The following COL23A1 variants were observed in gnomAD, a reference collection of about 807,000 sequenced individuals.
COL23A1 encodes the protein collagen type XXIII alpha 1 chain.
COL23A1 carries 97 observed loss-of-function variants against 99.3 expected under a neutral mutation model. The ratio of observed to expected loss-of-function variants is 0.98; its 90% CI spans 0.83 to 1.16. The LOEUF (loss-of-function observed/expected upper bound fraction) is 1.16. Among genes scored for constraint, COL23A1 ranks in the 50% most tolerant of loss-of-function variants. COL23A1 has a pLI of 0.00. For missense variants in COL23A1, 762 were observed against 757.4 expected, an observed-to-expected ratio of 1.01 and a Z score of -0.07; for synonymous variants, 320 against 308.2, an observed-to-expected ratio of 1.04 and a Z score of -0.40.
intron 25 of COL23A1, among the ~76,000 whole-genome samples, chr5:178,244,987 TCATC>T (rs149908189): frequency 0.11 from 15,192 of 134,496 alleles, 1,753 homozygotes; most frequent in East Asian, 0.36. Context: ...TCATCATCTA[TCATC>T]CATCCATCCA....
intron 2 of COL23A1, among the ~76,000 whole-genome samples, chr5:178,326,414 T>TAAAA (rs34380897): frequency 0.016 from 2,309 of 148,500 alleles, 61 homozygotes; most frequent in African/African-American, 0.054. Context: ...AGAGAACATT[T>TAAAA]AAAAAAAAAA....
intron 2 of COL23A1, among the ~76,000 whole-genome samples, chr5:178,423,225 T>C (rs999892021): frequency 7.9e-5 from 12 of 152,146 alleles, no homozygotes; most frequent in African/African-American, 2.9e-4. Flanking sequence ...CCTCAAGTGA[T>C]CCTCCAGTCT....
chr5:178,291,171 C>A (rs890810), intron 3 of COL23A1, among the ~76,000 whole-genome samples: 3,494 of 152,276 alleles, frequency 0.023, 120 homozygotes, highest in African/African-American at 0.08. Context: ...GTGCACTAAG[C>A]CACGCGGCTG....
At chr5:178,400,318 G>A (rs1028281633) in intron 2 of COL23A1, among the ~76,000 whole-genome samples, 2 of 129,692 alleles carry the variant, frequency 1.5e-5, no homozygotes, top group Non-Finnish European at 3.1e-5. Flanking sequence ...AGTGAGCCGA[G>A]ATCGCGCCAC....
intron 2 of COL23A1, among the ~76,000 whole-genome samples, chr5:178,441,568 T>TG (rs893601857): frequency 6.6e-6 from 1 of 151,770 alleles, no homozygotes; most frequent in Non-Finnish European, 1.5e-5. Flanking sequence ...AAGACAGAGA[T>TG]GGGGGGATGC....
rs184672478 is a variant in COL23A1, at chr5:178,263,208, C to T, written c.639G>A (p.Ala213=). ...KDGPRGAQGP[A]GPKGEPGQDG... is the part of the protein sequence containing the mutation. ...GGCCCAACTCCATGCCCTCTCTTAC[C>T]GCTGGGCCTTGTGCTCCCCTGGGGC... The change falls in exon 9 of 29, where the codon GCG becomes GCA. Residue 213 remains alanine (A), a splice_region_variant and synonymous_variant. Transcript: ENST00000390654. The T allele has an allele frequency of 1.3e-5, 21 of 1,610,886 alleles. No homozygotes were observed. Among genetic ancestry groups the T allele is most frequent in the East Asian group, 2.2e-5 (1 of 44,842 alleles).
At chr5:178,393,016 A>G (rs1764046948) in intron 2 of COL23A1, among the ~76,000 whole-genome samples, 1 of 152,222 alleles carries the variant, frequency 6.6e-6, no homozygotes, top group African/African-American at 2.4e-5. Context: ...AGAGAGACTC[A>G]GGCAGGACAA....
intron 2 of COL23A1, among the ~76,000 whole-genome samples, chr5:178,486,598 T>C (rs1207089707): frequency 1.3e-5 from 2 of 151,692 alleles, no homozygotes; most frequent in South Asian, 4.2e-4. Flanking sequence ...GAAGAGACAG[T>C]TGGGTGGTTT....
At chr5:178,259,807 C>A (rs566462462) in intron 11 of COL23A1, 60 bp from the exon 12 acceptor site, 3 of 1,502,488 alleles carry the variant, frequency 2.0e-6, no homozygotes, top group East Asian at 4.7e-5. Context: ...GTGGCCCGGA[C>A]CCCGGACCTC....
In COL23A1 at chr5:178,246,430, C is replaced by G. The variant is rs1764700680; in HGVS notation, c.1320G>C (p.Glu440Asp). ...GPKGLDGAKG[E>D]KGASGERGPS... is the part of the protein sequence containing the mutation. ...GGCCTCTCTCACCCGACGCACCCTT[C>G]TCTCCCTTTGCTCCATCCAAGCCCT... Residue 440 changes from glutamate to aspartate, a missense_variant, in exon 23 of 29, where the codon GAG (glutamate) becomes GAC (aspartate). Physicochemically the swap from Glu to Asp is conservative, Grantham distance 45. Transcript: ENST00000390654. 6.3e-7 allele frequency: 1 copy of G among 1,576,076 alleles called. No homozygotes were observed. The highest frequency in any genetic ancestry group is 1.3e-5 in the African/African-American group (1 of 74,324).
intron 1 of COL23A1, among the ~76,000 whole-genome samples, chr5:178,585,534 A>AACACTCCACAGCCCTGGTTGATGCTGGGG (rs1763918560): frequency 8.4e-5 from 1 of 11,890 alleles, no homozygotes; most frequent in African/African-American, 2.1e-4. Context: ...ATGACGCTGG[A>AACACTCCACAGCCCTGGTTGATGCTGGGG]GTAACACTCC....
intron 2 of COL23A1, among the ~76,000 whole-genome samples, chr5:178,355,281 T>C (rs2127686033): frequency 7.1e-6 from 1 of 139,958 alleles, no homozygotes; most frequent in South Asian, 2.3e-4. Context: ...TCAAATAAAA[T>C]AAGATAAATA....
intron 2 of COL23A1, among the ~76,000 whole-genome samples, chr5:178,479,940 G>T (rs1163399510): frequency 6.6e-6 from 1 of 152,154 alleles, no homozygotes; most frequent in Non-Finnish European, 1.5e-5. Context: ...GTGTGGCACA[G>T]CCCACTGCTC....
chr5:178,517,893 TTTTTTTTTTAATTTA>T (rs1759638357), intron 2 of COL23A1, among the ~76,000 whole-genome samples: 1 of 100,338 alleles, frequency 1.0e-5, no homozygotes, highest in Non-Finnish European at 2.4e-5. Context: ...TTTTTTTTTT[TTTTTTTTTTAATTTA>T]TTTTTTTATT....
chr5:178,249,949 CATG>C lies in COL23A1; in HGVS notation c.1059+109_1059+111del, dbSNP rs1432047612. 3.6e-6 allele frequency: 5 copies of C among 1,373,844 alleles called. No individual in the cohort carries two copies. The East Asian group carries it at 1.2e-4, about 32-fold the overall frequency. The allele number at this position is 1,373,844 out of a possible 1,614,324, so 85.1% of individuals were successfully genotyped here. A position where few individuals can be genotyped will look rare whatever the true frequency, so the allele number is the denominator to read the frequency against. The stretch of plus-strand genomic sequence containing the variant: ...ATCCATGATTTTTGATTTTCTCACA[CATG>C]GTGTTTCTCTAACTCTGTGCACACA... On this transcript the variant is annotated intron_variant, in intron 18 of 28. Coordinates refer to ENST00000390654, the MANE Select transcript of COL23A1 (RefSeq NM_173465.4).
intron 2 of COL23A1, among the ~76,000 whole-genome samples, chr5:178,446,410 T>C (rs927883402): frequency 3.0e-4 from 45 of 151,996 alleles, no homozygotes; most frequent in Non-Finnish European, 5.7e-4. Context: ...AAAATTCAGA[T>C]AGGATACAGC....
At chr5:178,354,028 C>CA (rs1486929440) in intron 2 of COL23A1, among the ~76,000 whole-genome samples, 1 of 151,756 alleles carries the variant, frequency 6.6e-6, no homozygotes, top group Non-Finnish European at 1.5e-5. Flanking sequence ...GAGCCTAAAA[C>CA]ACCCTGCCCG....
chr5:178,449,804 G>A lies in COL23A1; in HGVS notation c.361+110878C>T, dbSNP rs370591643. Among the ~76,000 whole-genome samples the A allele has an allele frequency of 5.3e-5, 8 of 152,050 alleles. No homozygotes were observed. In the East Asian group the frequency reaches 7.7e-4, roughly 15 times the overall value. ...CCCTTTTGCAGAGCTCTAGAGACAA[G>A]GCATGGGCACTGAGTGGCATCCAGC... On this transcript the variant is annotated intron_variant, in intron 2 of 28. Transcript: ENST00000390654.
intron 27 of COL23A1, among the ~76,000 whole-genome samples, chr5:178,241,785 A>G (rs1764414138): frequency 6.6e-6 from 1 of 152,130 alleles, no homozygotes; most frequent in South Asian, 2.1e-4. Context: ...GTGAAGAATG[A>G]GGGGCTGGGC....
Sources: allele counts gnomAD v4.1 joint callset (sites outside exome capture counted in the v4.1 genomes callset), GRCh38; gene constraint gnomAD v4.1.1; transcripts MANE v1.5; gene names NCBI Gene and HGNC (gene_info 2026-07-23, HGNC 2026-07-21).